The following CAMTA2 variants were observed in gnomAD, a reference collection of about 807,000 sequenced individuals.
CAMTA2 encodes calmodulin-binding transcription activator 2.
In CAMTA2, 56 loss-of-function variants were observed where a neutral mutation model predicts 135.7. That is an observed-to-expected ratio of 0.41 (90% CI 0.33 to 0.52). The LOEUF (loss-of-function observed/expected upper bound fraction) is 0.52, where lower values mean the gene tolerates loss of function less well. Ranked by LOEUF, CAMTA2 falls within the 20% of genes least tolerant of loss-of-function variation. The probability of loss-of-function intolerance (pLI) is 0.16; values close to 1 mark genes in which losing one functional copy is unlikely to be tolerated. For missense variants in CAMTA2, 1,358 were observed against 1,553.4 expected, an observed-to-expected ratio of 0.87 and a Z score of 2.11; for synonymous variants, 591 against 604.6, an observed-to-expected ratio of 0.98 and a Z score of 0.33.
At chr17:4,976,936 GAA>G (rs199744550) in intron 11 of CAMTA2, 120 bp downstream of exon 11, 118 of 800,194 alleles carry the variant, frequency 1.5e-4, no homozygotes, top group South Asian at 2.5e-4. Flanking sequence ...AATAGGAATT[GAA>G]AAAAAAAAAT....
intron 3 of CAMTA2, among the ~76,000 whole-genome samples, chr17:4,985,046 C>T (rs977810311): frequency 6.9e-6 from 1 of 145,890 alleles, no homozygotes; most frequent in Non-Finnish European, 1.5e-5. Context: ...ATTAGCCGGG[C>T]GTGGAGGCAC....
intron 15 of CAMTA2, 92 bp from the exon 16 acceptor site, chr17:4,972,628 G>T (rs560389392): frequency 1.7e-5 from 25 of 1,466,392 alleles, no homozygotes; most frequent in Non-Finnish European, 2.3e-5. Flanking sequence ...CTCGGTCCCC[G>T]TCTGTTCTTG....
chr17:4,971,192 C>A (rs1972263090), intron 16 of CAMTA2, among the ~76,000 whole-genome samples: 1 of 152,154 alleles, frequency 6.6e-6, no homozygotes, highest in Admixed American at 6.6e-5. Flanking sequence ...ATGTGCAAGC[C>A]TCCTTCCTGC....
rs371890923 is a variant in CAMTA2, at chr17:4,969,273, T to C, written c.3347A>G (p.Tyr1116Cys). Residue 1116 changes from tyrosine (Y) to cysteine (C), a missense_variant, in exon 21 of 23, where the codon TAT becomes TGT. Around this residue, in one of 4 missense-constraint regions of CAMTA2, gnomAD observed 167 missense variants for 207.0 expected, o/e 0.81. Transcript: ENST00000348066. This position sits in a 1 kb window ranked among gnomAD's most constrained non-coding sequence, Gnocchi z 5.6. ...ILIQSKFRSY[Y>C]EQKRFQQSRR... ...GCTCTGCTGAAATCGCTTCTGTTCATAGTAGCTTCGGAACTTGCTCTGGAT... is the reference window on the plus strand; with the variant it reads ...GCTCTGCTGAAATCGCTTCTGTTCACAGTAGCTTCGGAACTTGCTCTGGAT... The C allele has an allele frequency of 1.9e-6, 3 of 1,614,068 alleles. No homozygotes were observed. The highest frequency in any genetic ancestry group is 2.5e-6 in the Non-Finnish European group (3 of 1,180,024).
In CAMTA2 at chr17:4,977,149, C is replaced by T. The variant is rs763627422; in HGVS notation, c.1809G>A (p.Glu603=). 1.2e-6 allele frequency: 2 copies of T among 1,614,088 alleles called. No individual in the cohort carries two copies. The highest frequency in any genetic ancestry group is 1.3e-5 in the African/African-American group (1 of 75,040). The change falls in exon 11 of 23, where the codon GAG becomes GAA. Residue 603 remains glutamate, a synonymous_variant. Transcript: ENST00000348066. ...AGAGCACAGAAGCAGAAAGGGGCCCCTCCCGCCCTGCCACCTGCAAAGACA... is the reference window on the plus strand; with the variant it reads ...AGAGCACAGAAGCAGAAAGGGGCCCTTCCCGCCCTGCCACCTGCAAAGACA... The part of the protein sequence containing the change: ...GLVSLQVAGR[E]GPLSASVLFE...
At chr17:4,973,083 C>G (rs911873949) in intron 14 of CAMTA2, 92 bp from the exon 15 acceptor site, 2 of 1,505,384 alleles carry the variant, frequency 1.3e-6, no homozygotes, top group African/African-American at 2.8e-5. Context: ...CCCCAGCCCA[C>G]CCCACTCCCT....
At chr17:4,974,875 C>T (rs1972522231) in intron 11 of CAMTA2, among the ~76,000 whole-genome samples, 1 of 152,200 alleles carries the variant, frequency 6.6e-6, no homozygotes, top group Non-Finnish European at 1.5e-5. Context: ...GCAGACACTA[C>T]CTTTGTCCCC....
At chr17:4,981,611 CATGGCCCCTCTGGGAGCCCTGTTTCT>C in intron 7 of CAMTA2, 41 bp downstream of exon 7, 1 of 1,508,976 alleles carries the variant, frequency 6.6e-7, no homozygotes, top group Non-Finnish European at 8.9e-7. Flanking sequence ...GGTCCAGAAC[CATGGCCCCTCTGGGAGCCCTGTTTCT>C]ACTCTCCCCT....
intron 11 of CAMTA2, 64 bp from the exon 12 acceptor site, chr17:4,974,564 T>C (rs374606420): frequency 3.2e-6 from 3 of 944,914 alleles, no homozygotes; most frequent in Admixed American, 1.7e-5. Context: ...ACACCAAAAG[T>C]AGACCTGTCC....
intron 17 of CAMTA2, 96 bp from the exon 18 acceptor site, chr17:4,970,181 T>A (rs932898423): frequency 7.0e-7 from 1 of 1,424,086 alleles, no homozygotes; most frequent in Non-Finnish European, 9.8e-7. Context: ...AGCAACTGAG[T>A]CTGGAGAGTG....
intron 3 of CAMTA2, 165 bp from the exon 4 acceptor site, chr17:4,983,208 C>G (rs112735624): frequency 4.9e-6 from 3 of 614,864 alleles, no homozygotes; most frequent in African/African-American, 1.8e-5. Flanking sequence ...CCTAAGAACC[C>G]TTCTTTTGTC....
chr17:4,973,387 A>C (rs1972424592), intron 13 of CAMTA2, 134 bp from the exon 14 acceptor site: 1 of 869,034 alleles, frequency 1.2e-6, no homozygotes, highest in Non-Finnish European at 1.9e-6. Context: ...ACACTAGCTT[A>C]AGGAGGTCAA....
intron 8 of CAMTA2, 46 bp downstream of exon 8, chr17:4,981,179 G>C (rs569886136): frequency 1.2e-6 from 2 of 1,603,510 alleles, no homozygotes; most frequent in Admixed American, 3.4e-5. Flanking sequence ...CGTAAGAGCA[G>C]TGTGGCTAGG....
chr17:4,982,641 G>T, intron 5 of CAMTA2, 116 bp downstream of exon 5: 1 of 1,133,198 alleles, frequency 8.8e-7, no homozygotes, highest in Non-Finnish European at 1.3e-6. Flanking sequence ...GAAGGGAAGA[G>T]TAACTGGGAG....
chr17:4,986,731 G>C (rs988107506), intron 1 of CAMTA2: 2 of 555,686 alleles, frequency 3.6e-6, no homozygotes, highest in South Asian at 4.4e-5. Context: ...TAGAAGACAC[G>C]CCCTGAGTTC....
chr17:4,972,918 A>G lies in CAMTA2; in HGVS notation c.2354T>C (p.Ile785Thr). 1 of 1,613,920 alleles carries G rather than the reference A, an allele frequency of 6.2e-7. No homozygotes were observed. The highest frequency in any genetic ancestry group is 8.5e-7 in the Non-Finnish European group (1 of 1,180,022). Residue 785 changes from isoleucine (I) to threonine (T), a missense_variant, in exon 15 of 23, where the codon ATT (isoleucine) becomes ACT (threonine). By Grantham distance (89) the Ile-to-Thr change is moderately conservative. This residue lies in a region of CAMTA2 where 1,077 missense variants were observed against 1,127.5 expected (regional missense o/e 0.96). Coordinates refer to ENST00000348066, the MANE Select transcript of CAMTA2 (RefSeq NM_015099.4). ...TGGCAGACGGCCCAGAGAGTCGGGA[A>G]TGCTCAGTGCCTGTCGGTTCCAACG... ...LFRWNRQALS[I>T]PDSLGRLPLS...
chr17:4,978,343 C>T (rs1261724063), intron 10 of CAMTA2, among the ~76,000 whole-genome samples, 161 bp downstream of exon 10: 1 of 152,204 alleles, frequency 6.6e-6, no homozygotes, highest in African/African-American at 2.4e-5. Flanking sequence ...GGCTCTTCTG[C>T]CTGCTGGGAG....
chr17:4,973,908 T>A (rs1309091010), intron 12 of CAMTA2, 139 bp from the exon 13 acceptor site: 1 of 682,412 alleles, frequency 1.5e-6, no homozygotes, highest in African/African-American at 1.8e-5. Context: ...TCCCATCAGT[T>A]GAAGTTCCTC....
intron 1 of CAMTA2, chr17:4,987,221 G>A (rs1973406231): frequency 7.5e-7 from 1 of 1,342,018 alleles, no homozygotes; most frequent in Non-Finnish European, 9.5e-7. Context: ...CGGATCGGAC[G>A]CTTGGCACTC....
Sources: allele counts gnomAD v4.1 joint callset (sites outside exome capture counted in the v4.1 genomes callset), GRCh38; gene constraint gnomAD v4.1.1; regional missense constraint gnomAD v4.1.1; non-coding constraint Gnocchi (gnomAD v3.1); transcripts MANE v1.5; gene names NCBI Gene and HGNC (gene_info 2026-07-23, HGNC 2026-07-21).